Variants in CDK13 observed in about 807,000 individuals in gnomAD.
The protein encoded by CDK13 is cyclin-dependent kinase 13.
In CDK13, 40 loss-of-function variants were observed where a neutral mutation model predicts 137.6. That is an observed-to-expected ratio of 0.29 (90% CI 0.23 to 0.38). The LOEUF (loss-of-function observed/expected upper bound fraction) is 0.38. Ranked by LOEUF, CDK13 falls within the 10% of genes least tolerant of loss-of-function variation. CDK13 has a pLI of 1.00. For missense variants in CDK13, 1,704 were observed against 1,951.8 expected (o/e 0.87, Z 2.39); for synonymous variants, 869 against 760.1 (o/e 1.14, Z -2.36).
chr7:40,052,434 C>T lies in CDK13; in HGVS notation c.2600+4557C>T, dbSNP rs1002405616. Reference sequence around the variant, plus strand: ...TCAAGTGATCTACCCACCTCTGCCTCCCAAAGTGCTAGGATTACAGGTGTG... The same window carrying T: ...TCAAGTGATCTACCCACCTCTGCCTTCCAAAGTGCTAGGATTACAGGTGTG... On this transcript the variant is annotated intron_variant, in intron 7 of 13. Coordinates refer to ENST00000181839, the MANE Select transcript of CDK13 (RefSeq NM_003718.5). Among the ~76,000 whole-genome samples the T allele has an allele frequency of 2.0e-5, 3 of 152,296 alleles. No individual in the cohort carries two copies. In the East Asian group the frequency reaches 5.8e-4, roughly 29 times the overall value.
intron 5 of CDK13, among the ~76,000 whole-genome samples, chr7:40,041,272 G>A (rs1785599241): frequency 6.6e-6 from 1 of 152,166 alleles, no homozygotes; most frequent in South Asian, 2.1e-4. Context: ...GTTGCAGTGA[G>A]CCAAGATCGT....
intron 5 of CDK13, among the ~76,000 whole-genome samples, chr7:40,021,587 A>G (rs921652927): frequency 1.3e-5 from 2 of 152,232 alleles, no homozygotes; most frequent in East Asian, 1.9e-4. Context: ...AAAAAGTAGA[A>G]CCAACATACT....
chr7:39,976,847 G>A (rs1784122928), intron 1 of CDK13, among the ~76,000 whole-genome samples: 2 of 152,016 alleles, frequency 1.3e-5, no homozygotes, highest in Non-Finnish European at 2.9e-5. Flanking sequence ...GTGAAATTGA[G>A]GACGAGGGGA....
chr7:40,042,400 A>G (rs960057431), intron 5 of CDK13, among the ~76,000 whole-genome samples: 2 of 150,132 alleles, frequency 1.3e-5, no homozygotes, highest in Non-Finnish European at 3.0e-5. Context: ...TTGATTTGTA[A>G]GATCTCATTT....
At chr7:39,977,726 G>A (rs1370407340) in intron 1 of CDK13, among the ~76,000 whole-genome samples, 3 of 152,198 alleles carry the variant, frequency 2.0e-5, no homozygotes, top group Non-Finnish European at 4.4e-5. Flanking sequence ...GATTATTCAA[G>A]TGCAGAGTTA....
At chr7:39,972,540 A>G (rs1039649258) in intron 1 of CDK13, among the ~76,000 whole-genome samples, 15 of 152,194 alleles carry the variant, frequency 9.9e-5, no homozygotes, top group Non-Finnish European at 1.9e-4. Flanking sequence ...AGATTTACCT[A>G]TGCTGGATAT....
chr7:39,956,931 T>A (rs1485423904), intron 1 of CDK13, among the ~76,000 whole-genome samples: 1 of 152,018 alleles, frequency 6.6e-6, no homozygotes, highest in Non-Finnish European at 1.5e-5. Context: ...CCTTTTATGA[T>A]CTGGCTCCAT....
At chr7:39,970,899 T>A (rs867032839) in intron 1 of CDK13, among the ~76,000 whole-genome samples, 1 of 152,252 alleles carries the variant, frequency 6.6e-6, no homozygotes, top group African/African-American at 2.4e-5. Context: ...GATCCAACTT[T>A]CCATGTAGTA....
chr7:40,089,295 C>T (rs1786862641), intron 12 of CDK13, among the ~76,000 whole-genome samples: 1 of 151,710 alleles, frequency 6.6e-6, no homozygotes, highest in African/African-American at 2.4e-5. Context: ...AAAAAATTAG[C>T]TGGGCATGGT....
At chr7:40,043,567 C>T (rs1362180644) in intron 5 of CDK13, among the ~76,000 whole-genome samples, 16 of 152,092 alleles carry the variant, frequency 1.1e-4, no homozygotes, top group Admixed American at 8.5e-4. Flanking sequence ...AACCTGTAAT[C>T]TGCCACTTTG....
intron 7 of CDK13, among the ~76,000 whole-genome samples, chr7:40,057,332 A>G (rs1786042307): frequency 6.6e-6 from 1 of 152,234 alleles, no homozygotes; most frequent in Non-Finnish European, 1.5e-5. Flanking sequence ...CACCAAGTCA[A>G]ATGGTGACTG....
At chr7:39,994,391 A>G (rs907314650) in intron 2 of CDK13, among the ~76,000 whole-genome samples, 2 of 152,272 alleles carry the variant, frequency 1.3e-5, no homozygotes, top group African/African-American at 2.4e-5. Context: ...ATTTCCATAT[A>G]TAAAAATTCT....
chr7:40,089,682 A>G (rs1277324407), intron 12 of CDK13, among the ~76,000 whole-genome samples: 2 of 151,164 alleles, frequency 1.3e-5, no homozygotes, highest in Non-Finnish European at 2.9e-5. Context: ...TTATGAAAAC[A>G]GAGACTGATA....
At chr7:40,062,046 G>A (rs886921294) in intron 7 of CDK13, 1 of 152,120 alleles carries the variant, frequency 6.6e-6, no homozygotes, top group South Asian at 2.1e-4. Context: ...ACACTACAGT[G>A]GGTATGTGAA....
At chr7:40,069,428 A>G (rs1014211507) in intron 9 of CDK13, 9 of 398,224 alleles carry the variant, frequency 2.3e-5, no homozygotes, top group Non-Finnish European at 3.5e-5. Flanking sequence ...CAGCTCAGCT[A>G]CTTCCTGCGC....
intron 11 of CDK13, among the ~76,000 whole-genome samples, chr7:40,079,255 C>G (rs1000503240): frequency 6.6e-6 from 1 of 152,162 alleles, no homozygotes; most frequent in Non-Finnish European, 1.5e-5. Context: ...CCCGTCTCTA[C>G]TAAAATTACA....
rs1786080381 is a variant in CDK13 at position 40,058,945 on chromosome 7, G to A, written c.2601-3881G>A. ...CAGTATGAATTATAGTATAAAAGAA[G>A]TACATGGGGGGGTTGCCTTCAAGCA... On this transcript the variant is annotated intron_variant, in intron 7 of 13. Transcript: ENST00000181839. 3.9e-5 allele frequency among the ~76,000 whole-genome samples: 6 copies of A among 152,106 alleles called. No individual in the cohort carries two copies. The South Asian group carries it at 1.2e-3, about 31-fold the overall frequency.
In CDK13 at chr7:39,967,657, C is replaced by G. The variant is rs948839868; in HGVS notation, c.1211+15805C>G. ...ATCTTGTTTTTACTTTTTTGAGGAACCTCCATACCATTATCCATGATGGCT... is the reference window on the plus strand; with the variant it reads ...ATCTTGTTTTTACTTTTTTGAGGAAGCTCCATACCATTATCCATGATGGCT... On this transcript the variant is annotated intron_variant, in intron 1 of 13. Transcript: ENST00000181839. Among the ~76,000 whole-genome samples, 4 of 152,078 alleles carry G rather than the reference C, an allele frequency of 2.6e-5. No homozygotes were observed. In the East Asian group the frequency reaches 7.7e-4, roughly 29 times the overall value.
chr7:40,043,858 A>C (rs1031843152), intron 5 of CDK13, among the ~76,000 whole-genome samples: 1 of 150,744 alleles, frequency 6.6e-6, no homozygotes, highest in Non-Finnish European at 1.5e-5. Context: ...AGAAAAATAC[A>C]GAGTTTTACA....
Sources: gnomAD v4.1 joint callset for allele counts (sites outside exome capture counted in the v4.1 genomes callset) on GRCh38, gnomAD v4.1.1 for gene constraint, MANE v1.5 for transcripts, NCBI Gene and HGNC (gene_info 2026-07-23, HGNC 2026-07-21) for gene names.